MCPH1: variants seen among roughly 807,000 people sequenced by gnomAD.
The protein encoded by MCPH1 is microcephalin.
MCPH1 carries 104 observed loss-of-function variants against 84.5 expected under a neutral mutation model. The ratio of observed to expected loss-of-function variants is 1.23; its 90% CI spans 1.05 to 1.45. The LOEUF (loss-of-function observed/expected upper bound fraction) is 1.45. Among genes scored for constraint, MCPH1 ranks in the 40% most tolerant of loss-of-function variants. The pLI, the probability that MCPH1 is intolerant of heterozygous loss-of-function variation, is 0.00. For synonymous variants in MCPH1, 514 were observed against 366.8 expected, an observed-to-expected ratio of 1.40 and a Z score of -4.58; for missense variants, 1,498 against 1,005.7, an observed-to-expected ratio of 1.49 and a Z score of -6.62.
At chr8:6,425,388 C>T (rs1210608607) in intron 3 of MCPH1, among the ~76,000 whole-genome samples, 1 of 152,066 alleles carries the variant, frequency 6.6e-6, no homozygotes, top group African/African-American at 2.4e-5. Flanking sequence ...TTGGTTGGAC[C>T]CCTGGTAAAC....
At chr8:6,541,896 T>C (rs1298494139) in intron 12 of MCPH1, among the ~76,000 whole-genome samples, 1 of 151,486 alleles carries the variant, frequency 6.6e-6, no homozygotes. Flanking sequence ...TGGTCCTAGC[T>C]ACTCAGGAGG....
In MCPH1 at chr8:6,451,791, C is replaced by G. The variant is rs181768475; in HGVS notation, c.1826-3352C>G. On this transcript the variant is annotated intron_variant, in intron 8 of 13. Transcript: ENST00000344683. ...TAATTTCATATTCAAATTTTTGAAG[C>G]TTAGAAGACATTTCTCATTGGATAA... 2.2e-4 allele frequency among the ~76,000 whole-genome samples: 34 copies of G among 152,202 alleles called. No individual in the cohort carries two copies. The East Asian group carries it at 6.2e-3, about 28-fold the overall frequency.
intron 5 of MCPH1, 26 bp from the exon 6 acceptor site, chr8:6,438,927 A>C: frequency 6.2e-7 from 1 of 1,607,898 alleles, no homozygotes; most frequent in Non-Finnish European, 8.5e-7. Flanking sequence ...TTTTGGTCTT[A>C]AAGTGGATTT....
At chr8:6,528,598 C>CT (rs1818829971) in intron 12 of MCPH1, among the ~76,000 whole-genome samples, 2 of 152,232 alleles carry the variant, frequency 1.3e-5, no homozygotes, top group African/African-American at 4.8e-5. Flanking sequence ...CCGTGCGGGC[C>CT]TTTGTGAGCT....
intron 13 of MCPH1, chr8:6,624,874 C>CA: frequency 1.1e-6 from 1 of 879,236 alleles, no homozygotes; most frequent in Non-Finnish European, 1.4e-6. Flanking sequence ...AAATCATATA[C>CA]TTTTTTTTTT....
chr8:6,519,804 C>A (rs952443080), intron 12 of MCPH1: 1 of 1,582,172 alleles, frequency 6.3e-7, no homozygotes, highest in Non-Finnish European at 8.6e-7. Flanking sequence ...TCTGGTTCCT[C>A]ACTCACTAAA....
At chr8:6,412,032 G>C (rs1292006672) in intron 2 of MCPH1, among the ~76,000 whole-genome samples, 1 of 152,296 alleles carries the variant, frequency 6.6e-6, no homozygotes, top group Admixed American at 6.5e-5. Context: ...GGTGGAGCAA[G>C]AGAGCTGCTG....
At chr8:6,519,810 C>G in intron 12 of MCPH1, 1 of 1,596,222 alleles carries the variant, frequency 6.3e-7, no homozygotes, top group Non-Finnish European at 8.6e-7. Context: ...TCCTCACTCA[C>G]TAAAGTGGCC....
intron 8 of MCPH1, among the ~76,000 whole-genome samples, chr8:6,451,284 C>G (rs114682518): frequency 0.011 from 1,722 of 152,302 alleles, 33 homozygotes; most frequent in African/African-American, 0.038. Flanking sequence ...TTGATTCATT[C>G]ATTCATTTAC....
Position 6,414,903 on chromosome 8 carries a change from C to G in MCPH1, c.233+20C>G. ...GGAAAAGTAAGCAGTTTCTCTCTTA[C>G]TTTTTTTCCTTAAGTATCTAGTATT... On this transcript the variant is annotated intron_variant, in intron 3 of 13. Transcript: ENST00000344683. The G allele has an allele frequency of 1.2e-6, 2 of 1,609,500 alleles. No individual in the cohort carries two copies. Among genetic ancestry groups the G allele is most frequent in the Non-Finnish European group, 1.7e-6 (2 of 1,176,924 alleles).
intron 9 of MCPH1, among the ~76,000 whole-genome samples, chr8:6,465,652 A>T (rs766919763): frequency 2.0e-5 from 3 of 150,568 alleles, no homozygotes; most frequent in Non-Finnish European, 4.4e-5. Flanking sequence ...AAGCCAAGAG[A>T]GTGAACCAAA....
At chr8:6,407,868 A>G (rs894997625) in intron 1 of MCPH1, among the ~76,000 whole-genome samples, 1 of 152,148 alleles carries the variant, frequency 6.6e-6, no homozygotes, top group Admixed American at 6.5e-5. Flanking sequence ...TGTCTTTTAC[A>G]TTTTTAAGTG....
At chr8:6,534,527 C>A (rs150841720) in intron 12 of MCPH1, among the ~76,000 whole-genome samples, 4 of 152,242 alleles carry the variant, frequency 2.6e-5, no homozygotes, top group Admixed American at 1.3e-4. Context: ...CCTCAGCCCC[C>A]CAAAGTGCTG....
intron 13 of MCPH1, among the ~76,000 whole-genome samples, chr8:6,635,833 G>C (rs1261961296): frequency 1.3e-5 from 2 of 152,164 alleles, no homozygotes; most frequent in African/African-American, 4.8e-5. Flanking sequence ...TTGAATCAAA[G>C]CACAGCATGG....
chr8:6,602,202 G>C (rs1029791222), intron 12 of MCPH1, among the ~76,000 whole-genome samples: 1 of 152,238 alleles, frequency 6.6e-6, no homozygotes, highest in Non-Finnish European at 1.5e-5. Context: ...GTGCTCGCTA[G>C]CGAGGAGGGA....
At chr8:6,546,039 ACC>A (rs1399556558) in intron 12 of MCPH1, among the ~76,000 whole-genome samples, 1 of 152,238 alleles carries the variant, frequency 6.6e-6, no homozygotes, top group African/African-American at 2.4e-5. Flanking sequence ...AATCAAACAC[ACC>A]CGGTGTGAGT....
At chr8:6,485,934 C>G (rs1250158954) in intron 11 of MCPH1, among the ~76,000 whole-genome samples, 1 of 152,170 alleles carries the variant, frequency 6.6e-6, no homozygotes, top group Non-Finnish European at 1.5e-5. Flanking sequence ...CTTGCACCCT[C>G]AAAAAGTTTA....
intron 9 of MCPH1, among the ~76,000 whole-genome samples, chr8:6,458,388 C>A (rs1381403977): frequency 3.3e-5 from 5 of 150,350 alleles, no homozygotes; most frequent in African/African-American, 1.2e-4. Flanking sequence ...AGGAGAATGG[C>A]ATGAACCCGG....
intron 9 of MCPH1, among the ~76,000 whole-genome samples, chr8:6,458,328 T>C (rs1158863944): frequency 6.6e-6 from 1 of 151,834 alleles, no homozygotes; most frequent in Non-Finnish European, 1.5e-5. Flanking sequence ...AAAAATTAGC[T>C]GGGCGTAGTG....
Sources: gnomAD v4.1 joint callset for allele counts (sites outside exome capture counted in the v4.1 genomes callset) on GRCh38, gnomAD v4.1.1 for gene constraint, MANE v1.5 for transcripts, NCBI Gene and HGNC (gene_info 2026-07-23, HGNC 2026-07-21) for gene names.